Variants in CACNA1G observed in about 807,000 individuals in gnomAD.
CACNA1G encodes the protein voltage-dependent T-type calcium channel subunit alpha-1G.
A neutral mutation model predicts 219.4 loss-of-function variants in CACNA1G; 67 were observed. That is an observed-to-expected ratio of 0.31 (90% CI 0.25 to 0.37). The LOEUF is 0.37. Among genes scored for constraint, CACNA1G ranks in the 10% least tolerant of loss-of-function variants. CACNA1G has a pLI of 1.00. For missense variants in CACNA1G, 2,380 were observed against 3,231.4 expected (o/e 0.74, Z 6.39); for synonymous variants, 1,296 against 1,345.3 (o/e 0.96, Z 0.80).
At chr17:50,562,153 G>A (rs1434535257) in intron 1 of CACNA1G, 1 of 147,696 alleles carries the variant, frequency 6.8e-6, no homozygotes, top group African/African-American at 2.5e-5. Flanking sequence ...TGGGGAGGAA[G>A]CTGCGGGGAC....
At position 50,600,687 on chromosome 17, in the gene CACNA1G, A is replaced by G. The variant is rs376239914; in HGVS notation, c.3691-39A>G. ...AGGAGCCAGGAGCCGGGGAACCTGGAGGCCTGGTCCTGCTCATACTCCAGT... is the reference window on the plus strand; with the variant it reads ...AGGAGCCAGGAGCCGGGGAACCTGGGGGCCTGGTCCTGCTCATACTCCAGT... On this transcript the variant is annotated intron_variant, in intron 17 of 37. Coordinates refer to ENST00000359106, the MANE Select transcript of CACNA1G (RefSeq NM_018896.5). This position sits in a 1 kb window ranked among gnomAD's most constrained non-coding sequence, Gnocchi z 4.1. 169 of 1,562,754 alleles carry G rather than the reference A, an allele frequency of 1.1e-4. 1 individual carries two copies. The highest frequency in any genetic ancestry group is 1.4e-4 in the Non-Finnish European group (154 of 1,134,014).
rs976319555 is a variant in CACNA1G at position 50,600,438 on chromosome 17, T to C, written c.3691-288T>C. Among the ~76,000 whole-genome samples the C allele has an allele frequency of 8.1e-6, 1 of 123,856 alleles. No individual in the cohort carries two copies. Among genetic ancestry groups the C allele is most frequent in the African/African-American group, 3.0e-5 (1 of 33,250 alleles). The allele number at this position is 123,856 out of a possible 152,430, so 81.3% of individuals were successfully genotyped here. ...TCAGCAGGGAGGACAGGCAGGGGGCTGGGCTGGAGGCAGGGGTGGGGAGAG... is the reference window on the plus strand; with the variant it reads ...TCAGCAGGGAGGACAGGCAGGGGGCCGGGCTGGAGGCAGGGGTGGGGAGAG... On this transcript the variant is annotated intron_variant, in intron 17 of 37. Coordinates refer to ENST00000359106, the MANE Select transcript of CACNA1G (RefSeq NM_018896.5). This position sits in a 1 kb window ranked among gnomAD's most constrained non-coding sequence, Gnocchi z 4.1.
At chr17:50,606,097 C>T (rs762957475) in intron 23 of CACNA1G, 74 bp downstream of exon 23, 3 of 1,587,918 alleles carry the variant, frequency 1.9e-6, no homozygotes, top group East Asian at 2.2e-5. Flanking sequence ...TTAGTGATAC[C>T]TGCTGACTCC....
intron 34 of CACNA1G, among the ~76,000 whole-genome samples, chr17:50,620,864 G>C (rs1411492363): frequency 6.6e-6 from 1 of 152,236 alleles, no homozygotes; most frequent in African/African-American, 2.4e-5. Flanking sequence ...GGCTCACAGG[G>C]AAAGGTTGTG....
In CACNA1G at chr17:50,600,647, C is replaced by T; in HGVS notation, c.3691-79C>T. 1.6e-6 allele frequency: 2 copies of T among 1,217,242 alleles called. No homozygotes were observed. The highest frequency in any genetic ancestry group is 1.2e-6 in the Non-Finnish European group (1 of 826,638). The allele number at this position is 1,217,242 out of a possible 1,614,324, so 75.4% of individuals were successfully genotyped here. A position where few individuals can be genotyped will look rare whatever the true frequency, so the allele number is the denominator to read the frequency against. On this transcript the variant is annotated intron_variant, in intron 17 of 37. Transcript: ENST00000359106. The surrounding 1 kb of genome is among the most constrained non-coding windows in gnomAD (Gnocchi z 4.1). The stretch of plus-strand genomic sequence containing the variant: ...GGGAGAGGGTAGACAAGGAGTGAGG[C>T]TCGTGACTCTGCTGAGGAGCCAGGA...
chr17:50,569,117 T>G (rs373812671), intron 2 of CACNA1G, 48 bp from the exon 3 acceptor site: 2 of 1,600,710 alleles, frequency 1.2e-6, no homozygotes, highest in Non-Finnish European at 1.7e-6. Flanking sequence ...CTAGAGGGTA[T>G]TCCCTCACCC....
chr17:50,599,707 G>A lies in CACNA1G; in HGVS notation c.3538G>A (p.Val1180Met). 1 of 1,613,518 alleles carries A rather than the reference G, an allele frequency of 6.2e-7. No homozygotes were observed. Residue 1180 changes from valine (V) to methionine (M), a missense_variant, in exon 17 of 38, where the codon GTG becomes ATG. Transcript: ENST00000359106. ...SSFDLPDTLQ[V>M]PGLHRTASGR... Reference sequence around the variant, plus strand: ...CTTTGACCTGCCAGACACACTGCAGGTGCCAGGGCTGCATCGCACTGCCAG... The same window carrying A: ...CTTTGACCTGCCAGACACACTGCAGATGCCAGGGCTGCATCGCACTGCCAG...
intron 1 of CACNA1G, among the ~76,000 whole-genome samples, chr17:50,568,120 C>T (rs934113215): frequency 1.3e-5 from 2 of 152,120 alleles, no homozygotes; most frequent in Non-Finnish European, 2.9e-5. Context: ...GAAGAGGGAG[C>T]CCCGGGCTCT....
Position 50,626,651 on chromosome 17 carries a change from C to T in CACNA1G, c.7034C>T (p.Ala2345Val). The T allele has an allele frequency of 1.2e-6, 2 of 1,613,212 alleles. No homozygotes were observed. Among genetic ancestry groups the T allele is most frequent in the Non-Finnish European group, 1.7e-6 (2 of 1,179,782 alleles). ...APSSDSKDPL[A>V]SGPPDSMAAS... The stretch of plus-strand genomic sequence containing the variant: ...TCCAGCGACTCCAAGGATCCCTTGG[C>T]CTCTGGCCCCCCTGACAGCATGGCT... Residue 2345 changes from alanine to valine, a missense_variant, in exon 38 of 38, where the codon GCC becomes GTC. Transcript: ENST00000359106. The surrounding 1 kb of genome is among the most constrained non-coding windows in gnomAD (Gnocchi z 4.3).
At chr17:50,566,575 C>A (rs2037933239) in intron 1 of CACNA1G, among the ~76,000 whole-genome samples, 1 of 152,188 alleles carries the variant, frequency 6.6e-6, no homozygotes, top group South Asian at 2.1e-4. Flanking sequence ...GAAAGAGGGG[C>A]AACTCCTCTG....
At position 50,607,883 on chromosome 17, in the gene CACNA1G, T is replaced by C; in HGVS notation, c.4569T>C (p.Ile1523=). ...MLLYFISFLL[I]VAFFVLNMFV... ...TGTACTTCATCTCGTTCCTGCTCATTGTGGCCTTCTTTGTCCTGAACATGT... is the reference window on the plus strand; with the variant it reads ...TGTACTTCATCTCGTTCCTGCTCATCGTGGCCTTCTTTGTCCTGAACATGT... The change falls in exon 25 of 38, where the codon ATT becomes ATC. Residue 1523 remains isoleucine, a synonymous_variant. Transcript: ENST00000359106. 1.2e-6 allele frequency: 2 copies of C among 1,614,058 alleles called. No homozygotes were observed. The highest frequency in any genetic ancestry group is 1.7e-6 in the Non-Finnish European group (2 of 1,179,906).
At chr17:50,561,885 G>T in intron 1 of CACNA1G, 184 bp downstream of exon 1, 1 of 471,934 alleles carries the variant, frequency 2.1e-6, no homozygotes, top group Non-Finnish European at 3.3e-6. Context: ...ACGCGAGCAG[G>T]TCTCGTCGGT....
chr17:50,609,072 T>C (rs749982305), intron 25 of CACNA1G, among the ~76,000 whole-genome samples: 3 of 152,184 alleles, frequency 2.0e-5, no homozygotes, highest in Non-Finnish European at 4.4e-5. Context: ...ATAAGATGGG[T>C]GCGGTGGCCT....
In CACNA1G at chr17:50,591,565, A is replaced by G. The variant is rs762079690; in HGVS notation, c.2584A>G (p.Met862Val). The change falls in exon 11 of 38, where the codon ATG becomes GTG. Residue 862 changes from methionine (M) to valine (V), a missense_variant. Transcript: ENST00000359106. The part of the protein sequence containing the change: ...QRQLVVLMKT[M>V]DNVATFCMLL... Reference sequence around the variant, plus strand: ...GCAGCTGGTGGTGCTCATGAAGACCATGGACAACGTGGCCACCTTCTGCAT... The same window carrying G: ...GCAGCTGGTGGTGCTCATGAAGACCGTGGACAACGTGGCCACCTTCTGCAT... 6 of 1,613,162 alleles carry G rather than the reference A, an allele frequency of 3.7e-6. No homozygotes were observed. Among genetic ancestry groups the G allele is most frequent in the South Asian group, 1.1e-5 (1 of 90,946 alleles).
chr17:50,590,471 C>T lies in CACNA1G; in HGVS notation c.2302C>T (p.Pro768Ser), dbSNP rs778985158. The change falls in exon 10 of 38, where the codon CCC becomes TCC. Residue 768 changes from proline (P) to serine (S), a missense_variant and splice_region_variant. Transcript: ENST00000359106. ...LSMGIEYHEQ[P>S]EELTNALEIS... Reference sequence around the variant, plus strand: ...CCTCACATCCCACCCTGCCCTGCAGCCCGAGGAGCTTACCAACGCCCTAGA... The same window carrying T: ...CCTCACATCCCACCCTGCCCTGCAGTCCGAGGAGCTTACCAACGCCCTAGA... 1 of 1,613,792 alleles carries T rather than the reference C, an allele frequency of 6.2e-7. No individual in the cohort carries two copies. The highest frequency in any genetic ancestry group is 1.1e-5 in the South Asian group (1 of 91,068).
Position 50,621,743 on chromosome 17 carries a change from C to G in CACNA1G, c.6009C>G (p.Asp2003Glu). Residue 2003 changes from aspartate (D) to glutamate (E), a missense_variant, in exon 35 of 38, where the codon GAC (aspartate) becomes GAG (glutamate). By Grantham distance (45) the Asp-to-Glu change is conservative. Transcript: ENST00000359106. This position sits in a 1 kb window ranked among gnomAD's most constrained non-coding sequence, Gnocchi z 4.6. ...EPSCSLALTD[D>E]SLPDDMHTLL... ...CCTGCTCTCTAGCTCTGACGGATGA[C>G]TCTTTGCCTGATGACATGCACACAC... 1 of 1,613,974 alleles carries G rather than the reference C, an allele frequency of 6.2e-7. No homozygotes were observed. Among genetic ancestry groups the G allele is most frequent in the Non-Finnish European group, 8.5e-7 (1 of 1,179,862 alleles).
rs2048085114 is a variant in CACNA1G, at chr17:50,606,895, A to G, written c.4423-5A>G. On this transcript the variant is annotated splice_region_variant and splice_polypyrimidine_tract_variant and intron_variant, in intron 23 of 37. Coordinates refer to ENST00000359106, the MANE Select transcript of CACNA1G (RefSeq NM_018896.5). ...CAAATGTCTCCTTCTCCTCCTCCCC[A>G]TCAGGCCCTGATGTCCCTGTTCGTT... The G allele has an allele frequency of 1.2e-6, 2 of 1,610,494 alleles. No individual in the cohort carries two copies. Among genetic ancestry groups the G allele is most frequent in the African/African-American group, 2.7e-5 (2 of 74,848 alleles).
At chr17:50,572,281 T>TC (rs2039612291) in intron 5 of CACNA1G, among the ~76,000 whole-genome samples, 1 of 152,162 alleles carries the variant, frequency 6.6e-6, no homozygotes, top group South Asian at 2.1e-4. Flanking sequence ...AAGGATTTTT[T>TC]CAACCCCTCC....
intron 25 of CACNA1G, among the ~76,000 whole-genome samples, chr17:50,608,881 C>T (rs2048545732): frequency 6.6e-6 from 1 of 152,200 alleles, no homozygotes; most frequent in African/African-American, 2.4e-5. Flanking sequence ...CTCCCATCTG[C>T]CTGGTACAGC....
Sources: allele counts gnomAD v4.1 joint callset (sites outside exome capture counted in the v4.1 genomes callset), GRCh38; gene constraint gnomAD v4.1.1; non-coding constraint Gnocchi (gnomAD v3.1); transcripts MANE v1.5; gene names NCBI Gene and HGNC (gene_info 2026-07-23, HGNC 2026-07-21).